BLTP1: variants seen among roughly 807,000 people sequenced by gnomAD.
BLTP1 encodes fragile site-associated protein.
the BLTP1 span, chr4:122,261,636 G>A: frequency 6.3e-5 from 62 of 984,486 alleles, no homozygotes; most frequent in Non-Finnish European, 7.4e-5. Flanking sequence ...TAGTAGGAAG[G>A]ATAATTTAGT....
At chr4:122,339,192 GTC>G in the BLTP1 span, 17 of 1,607,568 alleles carry the variant, frequency 1.1e-5, no homozygotes, top group Non-Finnish European at 1.4e-5. Context: ...ACCTTTTGCT[GTC>G]TGTTATTTTT....
At chr4:122,218,158 G>T in the BLTP1 span, among the ~76,000 whole-genome samples, 1 of 151,798 alleles carries the variant, frequency 6.6e-6, no homozygotes, top group Non-Finnish European at 1.5e-5. Context: ...TCTTGTCAAA[G>T]AACCAGCCTT....
At chr4:122,357,788 T>C in the BLTP1 span, among the ~76,000 whole-genome samples, 1 of 152,202 alleles carries the variant, frequency 6.6e-6, no homozygotes, top group African/African-American at 2.4e-5. Flanking sequence ...TTGGAATAAA[T>C]GTAATTTGTT....
the BLTP1 span, chr4:122,333,447 T>C: frequency 5.5e-6 from 1 of 182,748 alleles, no homozygotes; most frequent in African/African-American, 2.5e-5. Context: ...AAGTGTCTGT[T>C]CATGTCCTTT....
the BLTP1 span, among the ~76,000 whole-genome samples, chr4:122,166,293 G>T: frequency 2.4e-3 from 366 of 152,174 alleles, no homozygotes; most frequent in Middle Eastern, 0.017. Context: ...TCTACATATG[G>T]CTAGCCAGTT....
At chr4:122,196,205 C>T in the BLTP1 span, among the ~76,000 whole-genome samples, 1 of 152,088 alleles carries the variant, frequency 6.6e-6, no homozygotes, top group African/African-American at 2.4e-5. Context: ...ATGTGTCTTA[C>T]CATTTAAACC....
chr4:122,214,517 T>TA, the BLTP1 span: 2 of 948,070 alleles, frequency 2.1e-6, no homozygotes, highest in Non-Finnish European at 2.5e-6. Context: ...GTACATTTAT[T>TA]AATCTTAAAG....
the BLTP1 span, chr4:122,347,675 A>G: frequency 2.1e-5 from 34 of 1,613,908 alleles, no homozygotes; most frequent in Non-Finnish European, 2.8e-5. Flanking sequence ...TTCAATGAGC[A>G]TATGACAAAC....
chr4:122,211,926 T>C, the BLTP1 span: 9 of 180,310 alleles, frequency 5.0e-5, no homozygotes, highest in South Asian at 1.1e-3. Context: ...TCCTTACTTA[T>C]CACCTTTGCC....
the BLTP1 span, among the ~76,000 whole-genome samples, chr4:122,158,912 C>G: frequency 6.6e-6 from 1 of 152,064 alleles, no homozygotes. Context: ...CAGAGTTCTT[C>G]GATATATAAG....
At chr4:122,287,384 G>T in the BLTP1 span, 1 of 158,476 alleles carries the variant, frequency 6.3e-6, no homozygotes, top group African/African-American at 2.4e-5. Context: ...TTTTTCATTT[G>T]ATTTGTGGTA....
chr4:122,224,353 G>C, the BLTP1 span: 7 of 875,378 alleles, frequency 8.0e-6, no homozygotes, highest in Admixed American at 1.5e-4. Context: ...CGGGTACAAG[G>C]TTGTGTTAGG....
the BLTP1 span, chr4:122,219,059 C>A: frequency 1.3e-6 from 1 of 750,908 alleles, no homozygotes; most frequent in Non-Finnish European, 1.6e-6. Context: ...CTCTGAGGAC[C>A]TAAATTACAA....
At chr4:122,198,341 GAAGCATCTTTTAGAAAAGCCAA>G in the BLTP1 span, 1 of 985,200 alleles carries the variant, frequency 1.0e-6, no homozygotes, top group South Asian at 4.7e-5. Context: ...CAGTTCGAAA[GAAGCATCTTTTAGAAAAGCCAA>G]AAGCATCTTT....
At chr4:122,360,349 G>C in the BLTP1 span, among the ~76,000 whole-genome samples, 5 of 152,202 alleles carry the variant, frequency 3.3e-5, no homozygotes, top group East Asian at 9.7e-4. Context: ...ATTTATGATA[G>C]TTTCTATAAC....
the BLTP1 span, chr4:122,339,109 ATG>A: frequency 1.5e-6 from 2 of 1,354,592 alleles, no homozygotes; most frequent in Non-Finnish European, 2.0e-6. Flanking sequence ...TTTAAAAAAA[ATG>A]TTTCTTAAGT....
chr4:122,171,663 G>C, the BLTP1 span: 1 of 148,146 alleles, frequency 6.8e-6, no homozygotes, highest in East Asian at 2.3e-4. Context: ...TTTTTTTTCT[G>C]AGGGGATGCT....
At chr4:122,286,154 A>G in the BLTP1 span, among the ~76,000 whole-genome samples, 1 of 152,196 alleles carries the variant, frequency 6.6e-6, no homozygotes, top group African/African-American at 2.4e-5. Context: ...ACTACCTACT[A>G]TTCTCTGTGA....
chr4:122,277,564 A>G, the BLTP1 span: 14 of 957,036 alleles, frequency 1.5e-5, no homozygotes, highest in Non-Finnish European at 1.7e-5. Flanking sequence ...GAGCAAAAGA[A>G]ATCAAGAAAG....
Sources: gnomAD v4.1 joint callset for allele counts (sites outside exome capture counted in the v4.1 genomes callset) on GRCh38, gnomAD v4.1.1 for gene constraint, MANE v1.5 for transcripts, NCBI Gene and HGNC (gene_info 2026-07-23, HGNC 2026-07-21) for gene names.